PPM1E: variants seen among roughly 807,000 people sequenced by gnomAD.
PPM1E encodes the protein protein phosphatase 1E.
PPM1E carries 20 observed loss-of-function variants against 65.9 expected under a neutral mutation model. The observed-to-expected ratio is 0.30, with a 90% confidence interval of 0.21 to 0.44. The LOEUF (loss-of-function observed/expected upper bound fraction) is 0.44, where lower values mean the gene tolerates loss of function less well. Ranked by LOEUF, PPM1E falls within the 20% of genes least tolerant of loss-of-function variation. The probability of loss-of-function intolerance (pLI) is 1.00; values close to 1 mark genes in which losing one functional copy is unlikely to be tolerated. For missense variants in PPM1E, 713 were observed against 953.1 expected, an observed-to-expected ratio of 0.75 and a Z score of 3.32; for synonymous variants, 352 against 374.9, an observed-to-expected ratio of 0.94 and a Z score of 0.70.
chr17:58,939,510 T>G (rs1456104955), intron 1 of PPM1E, among the ~76,000 whole-genome samples: 1 of 152,182 alleles, frequency 6.6e-6, no homozygotes, highest in Non-Finnish European at 1.5e-5. Context: ...GATTTTTGTT[T>G]TACAATTCAT....
chr17:58,923,678 C>T (rs1162554030), intron 1 of PPM1E, among the ~76,000 whole-genome samples: 6 of 146,428 alleles, frequency 4.1e-5, no homozygotes, highest in Admixed American at 7.0e-5. Flanking sequence ...ACCTGGGAGG[C>T]GGAGGTTGCA....
chr17:58,874,843 CA>C (rs1459009408), intron 1 of PPM1E, among the ~76,000 whole-genome samples: 3 of 152,096 alleles, frequency 2.0e-5, no homozygotes, highest in Non-Finnish European at 4.4e-5. Flanking sequence ...TAAGTTTCTA[CA>C]GTTTTTTAAA....
At chr17:58,758,429 G>A (rs2144127045) in intron 1 of PPM1E, among the ~76,000 whole-genome samples, 1 of 152,040 alleles carries the variant, frequency 6.6e-6, no homozygotes, top group South Asian at 2.1e-4. Flanking sequence ...TCAGGAGGCT[G>A]AGGCAGGAGA....
intron 1 of PPM1E, among the ~76,000 whole-genome samples, chr17:58,925,667 C>T (rs1045997273): frequency 6.6e-6 from 1 of 151,902 alleles, no homozygotes; most frequent in African/African-American, 2.4e-5. Context: ...GTCTCGATCT[C>T]CTGACCTCAT....
At chr17:58,885,839 A>AG (rs2051258864) in intron 1 of PPM1E, among the ~76,000 whole-genome samples, 1 of 152,194 alleles carries the variant, frequency 6.6e-6, no homozygotes, top group Non-Finnish European at 1.5e-5. Flanking sequence ...CAACCAAGTC[A>AG]GGGGTGTATA....
intron 6 of PPM1E, 111 bp downstream of exon 6, chr17:58,973,036 A>G (rs2030739964): frequency 3.0e-6 from 2 of 667,838 alleles, no homozygotes; most frequent in Admixed American, 6.0e-5. Context: ...CAGAATGCTT[A>G]TTATTCTTTA....
chr17:58,922,619 A>AT (rs775060955), intron 1 of PPM1E, among the ~76,000 whole-genome samples: 75 of 149,820 alleles, frequency 5.0e-4, no homozygotes, highest in Non-Finnish European at 8.6e-4. Context: ...CCTATTGAGA[A>AT]TTTTTTTTTA....
chr17:58,947,512 C>G lies in PPM1E; in HGVS notation c.465-8137C>G, dbSNP rs374722408. On this transcript the variant is annotated intron_variant, in intron 1 of 6. Coordinates refer to ENST00000308249, the MANE Select transcript of PPM1E (RefSeq NM_014906.5). ...TTGGCCTCCCAAGGGGCTGGGATTA[C>G]GGGTACGAGACACTGCACCTGGCCT... is the stretch of plus-strand genomic sequence containing the variant. Among the ~76,000 whole-genome samples, 2 of 149,982 alleles carry G rather than the reference C, an allele frequency of 1.3e-5. 1 individual carries two copies. Among genetic ancestry groups the G allele is most frequent in the Admixed American group, 1.3e-4 (2 of 15,062 alleles).
At position 58,984,039 on chromosome 17, in the gene PPM1E, T is replaced by A. The variant is rs575768700; in HGVS notation, c.*3008T>A. The A allele has an allele frequency of 6.5e-6, 1 of 152,748 alleles. No homozygotes were observed. Among genetic ancestry groups the A allele is most frequent in the Non-Finnish European group, 1.5e-5 (1 of 68,012 alleles). The allele number at this position is 152,748 out of a possible 1,614,324, so 9.5% of individuals were successfully genotyped here. On this transcript the variant is annotated 3_prime_UTR_variant, in exon 7 of 7. Coordinates refer to ENST00000308249, the MANE Select transcript of PPM1E (RefSeq NM_014906.5). ...CAGCAACACACACTGGGGCTATTAA[T>A]CCCATTTAGGTCTGTACTAAAGAGG...
At chr17:58,894,823 G>A (rs971791405) in intron 1 of PPM1E, among the ~76,000 whole-genome samples, 7 of 151,302 alleles carry the variant, frequency 4.6e-5, no homozygotes, top group Non-Finnish European at 1.0e-4. Context: ...AAATTTATTC[G>A]AGTTGATGTA....
At chr17:58,903,368 A>G (rs1312518687) in intron 1 of PPM1E, among the ~76,000 whole-genome samples, 1 of 152,138 alleles carries the variant, frequency 6.6e-6, no homozygotes, top group Non-Finnish European at 1.5e-5. Context: ...CATTTTTCCA[A>G]TTTGGGCAAG....
At chr17:58,793,692 T>C (rs1247197663) in intron 1 of PPM1E, among the ~76,000 whole-genome samples, 1 of 152,074 alleles carries the variant, frequency 6.6e-6, no homozygotes, top group Admixed American at 6.6e-5. Context: ...GTGATAAAGT[T>C]AATCTACATC....
In PPM1E at chr17:58,875,010, G is replaced by A. The variant is rs149143417; in HGVS notation, c.465-80639G>A. ...TAAGAGGCAACCTCTCATGAATTTG[G>A]TGTGTGTCCTTTTAACTCATAAAAT... On this transcript the variant is annotated intron_variant, in intron 1 of 6. Transcript: ENST00000308249. Among the ~76,000 whole-genome samples the A allele has an allele frequency of 5.8e-3, 883 of 152,036 alleles. 5 individuals are homozygous for A. Among genetic ancestry groups the A allele is most frequent in the African/African-American group, 9.5e-3 (396 of 41,478 alleles).
chr17:58,812,845 G>A (rs1215764604), intron 1 of PPM1E, among the ~76,000 whole-genome samples: 1 of 152,188 alleles, frequency 6.6e-6, no homozygotes, highest in African/African-American at 2.4e-5. Flanking sequence ...GGGATTACAG[G>A]CATGAGCCAC....
chr17:58,939,555 A>G (rs2143597001), intron 1 of PPM1E, among the ~76,000 whole-genome samples: 1 of 152,342 alleles, frequency 6.6e-6, no homozygotes, highest in South Asian at 2.1e-4. Context: ...AGAAATTCAT[A>G]TATGTATTCA....
chr17:58,815,778 G>T (rs2050408982), intron 1 of PPM1E, among the ~76,000 whole-genome samples: 1 of 152,112 alleles, frequency 6.6e-6, no homozygotes, highest in African/African-American at 2.4e-5. Context: ...AGATTATGAT[G>T]TTGAATTGCC....
At chr17:58,778,958 A>ATATATC (rs1213473004) in intron 1 of PPM1E, among the ~76,000 whole-genome samples, 6 of 133,574 alleles carry the variant, frequency 4.5e-5, no homozygotes, top group African/African-American at 1.7e-4. Context: ...ATATATATAT[A>ATATATC]TATGTAGTAT....
At chr17:58,958,037 G>A (rs2029905826) in intron 2 of PPM1E, among the ~76,000 whole-genome samples, 1 of 152,036 alleles carries the variant, frequency 6.6e-6, no homozygotes, top group Non-Finnish European at 1.5e-5. Context: ...CAGCCACTTG[G>A]GAGGCTGAGG....
At chr17:58,835,496 C>A (rs981109242) in intron 1 of PPM1E, among the ~76,000 whole-genome samples, 3 of 151,824 alleles carry the variant, frequency 2.0e-5, no homozygotes, top group African/African-American at 7.3e-5. Flanking sequence ...ATTGTTGGGC[C>A]TTCCCACTGT....
Sources: gnomAD v4.1 joint callset for allele counts (sites outside exome capture counted in the v4.1 genomes callset) on GRCh38, gnomAD v4.1.1 for gene constraint, MANE v1.5 for transcripts, NCBI Gene and HGNC (gene_info 2026-07-23, HGNC 2026-07-21) for gene names.